The following LRRTM4 variants were observed in gnomAD, a reference collection of about 807,000 sequenced individuals.
LRRTM4 encodes the protein leucine-rich repeat transmembrane neuronal protein 4.
A neutral mutation model predicts 47.6 loss-of-function variants in LRRTM4; 25 were observed. The ratio of observed to expected loss-of-function variants is 0.53; its 90% CI spans 0.38 to 0.73. LRRTM4 has a LOEUF of 0.73. Ranked by LOEUF, LRRTM4 falls within the 30% of genes least tolerant of loss-of-function variation. The pLI is 0.00. For synonymous variants in LRRTM4, 311 were observed against 269.5 expected, an observed-to-expected ratio of 1.15 and a Z score of -1.51; for missense variants, 638 against 713.4, an observed-to-expected ratio of 0.89 and a Z score of 1.20.
intron 3 of LRRTM4, among the ~76,000 whole-genome samples, chr2:76,807,425 C>CACGTATATACAT (rs368842956): frequency 5.1e-5 from 5 of 98,076 alleles, no homozygotes; most frequent in African/African-American, 2.7e-4. Context: ...TATATATATA[C>CACGTATATACAT]ATATATATAT....
chr2:77,195,858 A>G (rs1275603528), intron 3 of LRRTM4, among the ~76,000 whole-genome samples: 1 of 152,136 alleles, frequency 6.6e-6, no homozygotes, highest in Non-Finnish European at 1.5e-5. Flanking sequence ...CCCAAGGTTC[A>G]AACAAGGGTG....
At chr2:77,460,035 T>C (rs1024931803) in intron 3 of LRRTM4, among the ~76,000 whole-genome samples, 4 of 150,904 alleles carry the variant, frequency 2.7e-5, no homozygotes, top group Non-Finnish European at 4.4e-5. Context: ...CTCTTTCCAC[T>C]TGAGTGAACT....
intron 3 of LRRTM4, among the ~76,000 whole-genome samples, chr2:77,116,417 G>C (rs1473963915): frequency 6.6e-6 from 1 of 151,958 alleles, no homozygotes; most frequent in South Asian, 2.1e-4. Flanking sequence ...TAAGAATAAA[G>C]AACCCAATGA....
intron 3 of LRRTM4, among the ~76,000 whole-genome samples, chr2:77,260,134 G>T (rs1675879039): frequency 6.6e-6 from 1 of 152,094 alleles, no homozygotes; most frequent in Admixed American, 6.6e-5. Context: ...GTCTTTACTA[G>T]ATTTTTAAGA....
intron 3 of LRRTM4, chr2:77,517,747 G>A: frequency 3.0e-6 from 3 of 984,736 alleles, no homozygotes; most frequent in Non-Finnish European, 3.6e-6. Flanking sequence ...TACACAGTAG[G>A]CCTCTGACAT....
At chr2:77,462,986 T>A (rs888176381) in intron 3 of LRRTM4, among the ~76,000 whole-genome samples, 1 of 152,032 alleles carries the variant, frequency 6.6e-6, no homozygotes, top group African/African-American at 2.4e-5. Context: ...TAATGCCAGA[T>A]TAATTATTTG....
At chr2:76,848,002 G>A (rs966147140) in intron 3 of LRRTM4, among the ~76,000 whole-genome samples, 1 of 152,086 alleles carries the variant, frequency 6.6e-6, no homozygotes, top group Non-Finnish European at 1.5e-5. Context: ...TCAAGGCAGG[G>A]TGGAATCTTA....
At chr2:77,358,709 C>T (rs1393411721) in intron 3 of LRRTM4, among the ~76,000 whole-genome samples, 1 of 152,156 alleles carries the variant, frequency 6.6e-6, no homozygotes, top group Admixed American at 6.5e-5. Flanking sequence ...ATCCCAACAA[C>T]AGTGAATGAA....
chr2:77,343,538 A>G (rs1223469895), intron 3 of LRRTM4, among the ~76,000 whole-genome samples: 3 of 151,804 alleles, frequency 2.0e-5, no homozygotes, highest in African/African-American at 7.2e-5. Flanking sequence ...GGCTATTTGT[A>G]CTTGGGTAAC....
At chr2:76,888,066 T>G (rs1352310690) in intron 3 of LRRTM4, among the ~76,000 whole-genome samples, 5 of 150,382 alleles carry the variant, frequency 3.3e-5, no homozygotes, top group Non-Finnish European at 7.4e-5. Context: ...TGTGTTTGTA[T>G]ATATATACAT....
At chr2:77,390,168 T>C (rs909261654) in intron 3 of LRRTM4, among the ~76,000 whole-genome samples, 6 of 152,042 alleles carry the variant, frequency 3.9e-5, no homozygotes, top group Admixed American at 3.9e-4. Context: ...TTTTCAACAT[T>C]TGTCCTATTC....
At chr2:77,289,040 T>C (rs551192934) in intron 3 of LRRTM4, among the ~76,000 whole-genome samples, 1 of 152,270 alleles carries the variant, frequency 6.6e-6, no homozygotes, top group South Asian at 2.1e-4. Context: ...AATACACTTA[T>C]AATACGGAGT....
intron 3 of LRRTM4, among the ~76,000 whole-genome samples, chr2:77,090,116 T>C (rs1037188679): frequency 2.0e-5 from 3 of 152,256 alleles, no homozygotes; most frequent in African/African-American, 7.2e-5. Flanking sequence ...TCCTCCACCC[T>C]ATAATCTTTT....
chr2:77,010,900 C>T (rs1004437296), intron 3 of LRRTM4, among the ~76,000 whole-genome samples: 2 of 152,044 alleles, frequency 1.3e-5, no homozygotes, highest in Non-Finnish European at 1.5e-5. Flanking sequence ...TTTACTTCAC[C>T]ATTCTTAACA....
intron 3 of LRRTM4, among the ~76,000 whole-genome samples, chr2:77,011,779 C>T (rs1350367711): frequency 6.6e-6 from 1 of 151,894 alleles, no homozygotes; most frequent in Non-Finnish European, 1.5e-5. Flanking sequence ...TTAAAAATTT[C>T]AATATTTTAT....
At chr2:76,770,700 C>A (rs567522819) in intron 3 of LRRTM4, among the ~76,000 whole-genome samples, 1 of 152,160 alleles carries the variant, frequency 6.6e-6, no homozygotes, top group Non-Finnish European at 1.5e-5. Context: ...AATACATCTC[C>A]TTTTACATAT....
intron 3 of LRRTM4, among the ~76,000 whole-genome samples, chr2:76,843,796 A>T (rs1384588382): frequency 6.6e-6 from 1 of 152,182 alleles, no homozygotes; most frequent in Middle Eastern, 3.2e-3. Context: ...AATACTACTT[A>T]TATGTATCTT....
chr2:77,407,558 T>C (rs1426568356), intron 3 of LRRTM4, among the ~76,000 whole-genome samples: 4 of 146,522 alleles, frequency 2.7e-5, no homozygotes, highest in Admixed American at 7.0e-5. Flanking sequence ...CAGAAAAAGC[T>C]ATGGTAAATA....
intron 3 of LRRTM4, among the ~76,000 whole-genome samples, chr2:77,276,281 T>TA (rs912626792): frequency 4.2e-5 from 6 of 142,002 alleles, no homozygotes; most frequent in Non-Finnish European, 9.1e-5. Flanking sequence ...TGTAAAAACA[T>TA]ACGCTATTTT....
Sources: allele counts gnomAD v4.1 joint callset (sites outside exome capture counted in the v4.1 genomes callset), GRCh38; gene constraint gnomAD v4.1.1; transcripts MANE v1.5; gene names NCBI Gene and HGNC (gene_info 2026-07-23, HGNC 2026-07-21).